COL4A6: variants seen among roughly 807,000 people sequenced by gnomAD.
COL4A6 encodes collagen alpha-6(IV) chain.
Under a neutral mutation model 126.7 loss-of-function variants are expected in COL4A6, and 59 were observed. That is an observed-to-expected ratio of 0.47 (90% CI 0.38 to 0.58). The LOEUF (loss-of-function observed/expected upper bound fraction) is 0.58. Among genes scored for constraint, COL4A6 ranks in the 20% least tolerant of loss-of-function variants. The pLI is 0.00. For synonymous variants in COL4A6, 547 were observed against 496.6 expected (o/e 1.10, Z -1.35); for missense variants, 1,285 against 1,337.3 (o/e 0.96, Z 0.61).
At chrX:108,429,560 GATATT>G (rs764355557) in intron 2 of COL4A6, among the ~76,000 whole-genome samples, 2 of 111,824 alleles carry the variant, frequency 1.8e-5, no homozygotes, top group South Asian at 7.5e-4. Context: ...TCTGGGTTGT[GATATT>G]ATATTATAGT....
chrX:108,170,807 T>C lies in COL4A6; in HGVS notation c.3385+3A>G, dbSNP rs2034277221. The C allele has an allele frequency of 5.8e-6, 7 of 1,209,014 alleles. No individual in the cohort carries two copies. Among genetic ancestry groups the C allele is most frequent in the Non-Finnish European group, 7.8e-6 (7 of 893,595 alleles). On this transcript the variant is annotated splice_donor_region_variant and intron_variant, in intron 34 of 44. Coordinates refer to ENST00000334504, the MANE Select transcript of COL4A6 (RefSeq NM_033641.4). ...AGAATAAGGTTATCATGTGGCATGG[T>C]ACCTGGAGCTCCAGGAAGGCCAACA...
intron 14 of COL4A6, among the ~76,000 whole-genome samples, chrX:108,195,475 T>C (rs956512617): frequency 4.5e-5 from 5 of 111,945 alleles, no homozygotes; most frequent in Admixed American, 9.5e-5. Context: ...TTTCACCACA[T>C]TGGCCAGGCT....
At chrX:108,408,033 G>A (rs926884193) in intron 2 of COL4A6, among the ~76,000 whole-genome samples, 4 of 111,607 alleles carry the variant, frequency 3.6e-5, no homozygotes, top group African/African-American at 9.8e-5. Context: ...TAAGTAGGCC[G>A]GGTGGGGTGG....
At position 108,191,243 on chromosome X, in the gene COL4A6, C is replaced by T. The variant is rs188521167; in HGVS notation, c.1321+150G>A. 30 of 654,961 alleles carry T rather than the reference C, an allele frequency of 4.6e-5. No individual in the cohort carries two copies. The South Asian group carries it at 5.6e-4, about 12-fold the overall frequency. The allele number at this position is 654,961 out of a possible 1,213,427, so 54.0% of individuals were successfully genotyped here. A position where few individuals can be genotyped will look rare whatever the true frequency, so the allele number is the denominator to read the frequency against. On this transcript the variant is annotated intron_variant, in intron 19 of 44. Transcript: ENST00000334504. ...TAGAGGCAGGGATCTGACTCAGAGA[C>T]GACGGGGCCTTCATGGCTGCCCCTC...
intron 3 of COL4A6, among the ~76,000 whole-genome samples, chrX:108,281,904 C>T (rs2037843853): frequency 9.1e-6 from 1 of 110,207 alleles, no homozygotes; most frequent in South Asian, 3.9e-4. Context: ...GAAAGGATTC[C>T]CTATTTAATA....
intron 16 of COL4A6, among the ~76,000 whole-genome samples, 160 bp from the exon 17 acceptor site, chrX:108,193,857 T>C (rs956491607): frequency 8.9e-6 from 1 of 112,697 alleles, no homozygotes; most frequent in Non-Finnish European, 1.9e-5. Context: ...CAAAGTCCCA[T>C]AAATTTAAGA....
In COL4A6 at chrX:108,192,590, T is replaced by C. The variant is rs2035085739; in HGVS notation, c.1073-10A>G. The stretch of plus-strand genomic sequence containing the variant: ...GGATCTCCAGGATTACCTGGCATTG[T>C]AATGAAAGAAAATAGTAAATAAAGA... On this transcript the variant is annotated splice_polypyrimidine_tract_variant and intron_variant, in intron 17 of 44. Coordinates refer to ENST00000334504, the MANE Select transcript of COL4A6 (RefSeq NM_033641.4). The C allele has an allele frequency of 3.6e-6, 4 of 1,126,266 alleles. No individual in the cohort carries two copies. In the African/African-American group the frequency reaches 7.2e-5, roughly 20 times the overall value. 92.8% of individuals were successfully genotyped at this position (1,126,266 alleles called of 1,213,427 possible). A position where few individuals can be genotyped will look rare whatever the true frequency, so the allele number is the denominator to read the frequency against.
At chrX:108,348,289 C>A (rs2148025809) in intron 2 of COL4A6, among the ~76,000 whole-genome samples, 1 of 111,434 alleles carries the variant, frequency 9.0e-6, no homozygotes, top group South Asian at 3.8e-4. Flanking sequence ...AGGACCTGTA[C>A]ATGGAAGATA....
At position 108,334,890 on chromosome X, in the gene COL4A6, C is replaced by G. The variant is rs146788427; in HGVS notation, c.64-24062G>C. Among the ~76,000 whole-genome samples the G allele has an allele frequency of 2.4e-3, 263 of 111,500 alleles. 6 individuals are homozygous for G. The East Asian group carries it at 0.062, about 26-fold the overall frequency. ...ATAAGACAAGCTGAGTGCAGAGTAT[C>G]ACAGATATTAACTCCTTTCACTGTC... On this transcript the variant is annotated intron_variant, in intron 2 of 44. Transcript: ENST00000334504.
At chrX:108,183,179 T>C (rs1183795958) in intron 23 of COL4A6, among the ~76,000 whole-genome samples, 1 of 112,313 alleles carries the variant, frequency 8.9e-6, no homozygotes, top group Non-Finnish European at 1.9e-5. Context: ...ATTCAGAGCC[T>C]TCTCAACAAA....
At chrX:108,383,364 C>G (rs1015582755) in intron 2 of COL4A6, 1 of 402,773 alleles carries the variant, frequency 2.5e-6, no homozygotes, top group South Asian at 3.4e-5. Flanking sequence ...CATCTAGCAA[C>G]AGAGCACCAA....
At chrX:108,248,416 C>T (rs1345913137) in intron 3 of COL4A6, among the ~76,000 whole-genome samples, 1 of 110,137 alleles carries the variant, frequency 9.1e-6, no homozygotes, top group Admixed American at 9.7e-5. Flanking sequence ...GGGCTCATTC[C>T]CACCTGTGGA....
chrX:108,416,718 C>G (rs1603228403), intron 2 of COL4A6, among the ~76,000 whole-genome samples: 1 of 111,994 alleles, frequency 8.9e-6, no homozygotes, highest in African/African-American at 3.2e-5. Flanking sequence ...TTATTGTATT[C>G]TTTTAGCTCT....
At chrX:108,415,668 T>C (rs766234226) in intron 2 of COL4A6, among the ~76,000 whole-genome samples, 2 of 111,881 alleles carry the variant, frequency 1.8e-5, no homozygotes, top group Admixed American at 1.9e-4. Flanking sequence ...TGAGAATGAG[T>C]TTCTTAAAGT....
intron 31 of COL4A6, among the ~76,000 whole-genome samples, chrX:108,173,461 G>GGTGTGTGT (rs56782024): frequency 1.5e-4 from 15 of 101,106 alleles, no homozygotes; most frequent in South Asian, 4.7e-4. Flanking sequence ...AATTGCTTCA[G>GGTGTGTGT]GTGTGTGTGT....
At chrX:108,195,214 G>C in intron 14 of COL4A6, 88 bp from the exon 15 acceptor site, 1 of 707,173 alleles carries the variant, frequency 1.4e-6, no homozygotes, top group Non-Finnish European at 2.2e-6. Flanking sequence ...ATCCAACTGA[G>C]TTCAGGATTT....
rs764542807 is a variant in COL4A6, at chrX:108,221,381, T to G, written c.145-7A>C. The G allele has an allele frequency of 8.3e-7, 1 of 1,209,466 alleles. No individual in the cohort carries two copies. Among genetic ancestry groups the G allele is most frequent in the East Asian group, 3.0e-5 (1 of 33,772 alleles). On this transcript the variant is annotated splice_region_variant and splice_polypyrimidine_tract_variant and intron_variant, in intron 3 of 44. Coordinates refer to ENST00000334504, the MANE Select transcript of COL4A6 (RefSeq NM_033641.4). The stretch of plus-strand genomic sequence containing the variant: ...CAATTGGTCCAGGTCGTCCCTAAGG[T>G]GGACAGAAGGAGTGCAATTAGTCAA...
chrX:108,390,715 C>T (rs2040816999), intron 2 of COL4A6, among the ~76,000 whole-genome samples: 1 of 110,622 alleles, frequency 9.0e-6, no homozygotes, highest in Non-Finnish European at 1.9e-5. Flanking sequence ...TACCCACCTT[C>T]TGAAGCCTAC....
At position 108,169,419 on chromosome X, in the gene COL4A6, T is replaced by C. The variant is rs187439529; in HGVS notation, c.3691+76A>G. On this transcript the variant is annotated intron_variant, in intron 37 of 44. Transcript: ENST00000334504. ...TCACAGCCCAACCCTGTGAGCCACA[T>C]GGCCCTGCTGTACCCTAAACCTGAC... 184 of 1,158,675 alleles carry C rather than the reference T, an allele frequency of 1.6e-4. No homozygotes were observed. The East Asian group carries it at 5.3e-3, about 33-fold the overall frequency.
Sources: gnomAD v4.1 joint callset for allele counts (sites outside exome capture counted in the v4.1 genomes callset) on GRCh38, gnomAD v4.1.1 for gene constraint, MANE v1.5 for transcripts, NCBI Gene and HGNC (gene_info 2026-07-23, HGNC 2026-07-21) for gene names.